Variants in KLKB1 observed in about 807,000 individuals in gnomAD.
KLKB1 encodes kallikrein B1.
KLKB1 carries 58 observed loss-of-function variants against 73.6 expected under a neutral mutation model. That is an observed-to-expected ratio of 0.79 (90% CI 0.64 to 0.98). The LOEUF is 0.98. KLKB1 is among the 50% of genes least tolerant of loss of function. The pLI is 0.00. For synonymous variants in KLKB1, 280 were observed against 258.1 expected (o/e 1.08, Z -0.81); for missense variants, 737 against 763.8 (o/e 0.96, Z 0.41).
chr4:186,232,192 C>A lies in KLKB1; in HGVS notation c.124C>A (p.Pro42Thr). Reference sequence around the variant, plus strand: ...TGGGGATGTAGCTTCCATGTACACCCCAAATGCCCAATACTGCCAGATGAG... The same window carrying A: ...TGGGGATGTAGCTTCCATGTACACCACAAATGCCCAATACTGCCAGATGAG... ...RGGDVASMYT[P>T]NAQYCQMRCT... is the part of the protein sequence containing the mutation. The change falls in exon 3 of 15, where the codon CCA becomes ACA. Residue 42 changes from proline (P) to threonine (T), a missense_variant. Transcript: ENST00000264690. 1 of 1,613,868 alleles carries A rather than the reference C, an allele frequency of 6.2e-7. No homozygotes were observed. The highest frequency in any genetic ancestry group is 8.5e-7 in the Non-Finnish European group (1 of 1,179,734).
chr4:186,219,092 C>G (rs1736974052), intron 2 of KLKB1, among the ~76,000 whole-genome samples: 1 of 152,166 alleles, frequency 6.6e-6, no homozygotes, highest in African/African-American at 2.4e-5. Context: ...CTAGTCCTTC[C>G]ACGTTCCTCT....
intron 2 of KLKB1, among the ~76,000 whole-genome samples, chr4:186,231,386 G>A (rs1020490773): frequency 6.6e-6 from 1 of 152,238 alleles, no homozygotes; most frequent in Non-Finnish European, 1.5e-5. Flanking sequence ...CTAATAATAT[G>A]TGGGGTGCAG....
At chr4:186,237,646 T>C (rs74822149) in intron 5 of KLKB1, among the ~76,000 whole-genome samples, 1 of 152,188 alleles carries the variant, frequency 6.6e-6, no homozygotes, top group South Asian at 2.1e-4. Flanking sequence ...TAACTTGTGA[T>C]TTTTTTCCTT....
chr4:186,258,243 A>C lies in KLKB1; in HGVS notation c.*31A>C. The C allele has an allele frequency of 6.3e-7, 1 of 1,595,824 alleles. No homozygotes were observed. Among genetic ancestry groups the C allele is most frequent in the Non-Finnish European group, 8.6e-7 (1 of 1,167,376 alleles). Reference sequence around the variant, plus strand: ...AGTCCAGAGTCTAGGCAATTTTTACAACCTGAGTTCAAGTCAAATTCTGAG... The same window carrying C: ...AGTCCAGAGTCTAGGCAATTTTTACCACCTGAGTTCAAGTCAAATTCTGAG... On this transcript the variant is annotated 3_prime_UTR_variant, in exon 15 of 15. Coordinates refer to ENST00000264690, the MANE Select transcript of KLKB1 (RefSeq NM_000892.5).
upstream of KLKB1, among the ~76,000 whole-genome samples, chr4:186,226,117 A>G (rs528322651): frequency 6.6e-6 from 1 of 151,532 alleles, no homozygotes; most frequent in South Asian, 2.1e-4. Flanking sequence ...ATTCTTTTTT[A>G]TGGTTCCTAT....
intron 10 of KLKB1, 32 bp from the exon 11 acceptor site, chr4:186,251,985 T>TCCAA (rs774212017): frequency 6.2e-7 from 1 of 1,614,086 alleles, no homozygotes; most frequent in Non-Finnish European, 8.5e-7. Context: ...CACTTCTAAT[T>TCCAA]CCAACCATTA....
intron 11 of KLKB1, 69 bp downstream of exon 11, chr4:186,252,254 T>A (rs1236703348): frequency 1.6e-5 from 24 of 1,483,090 alleles, no homozygotes; most frequent in Non-Finnish European, 2.2e-5. Flanking sequence ...TATGATCAGC[T>A]GCTTCACCGC....
intron 6 of KLKB1, among the ~76,000 whole-genome samples, chr4:186,245,833 TTTTA>T (rs1738315512): frequency 7.1e-6 from 1 of 141,380 alleles, no homozygotes; most frequent in Non-Finnish European, 1.6e-5. Context: ...GGTTTTTTTT[TTTTA>T]ATGTCAGGAG....
At chr4:186,235,694 G>T (rs1433340498) in intron 4 of KLKB1, among the ~76,000 whole-genome samples, 1 of 152,100 alleles carries the variant, frequency 6.6e-6, no homozygotes. Context: ...GAGTGGAAAG[G>T]TATCTGTAGT....
chr4:186,251,327 T>G lies in KLKB1; in HGVS notation c.867T>G (p.Pro289=), dbSNP rs1158317534. Reference sequence around the variant, plus strand: ...TTTTAACCTGCAAAAGAACTTTACCTGGTAATGTGATTTGATAATAATATT... The same window carrying G: ...TTTTAACCTGCAAAAGAACTTTACCGGGTAATGTGATTTGATAATAATATT... ...YSLLTCKRTL[P]EPCHSKIYPG... is the part of the protein sequence containing the mutation. The change falls in exon 8 of 15, where the codon CCT becomes CCG. Residue 289 remains proline (P), a splice_region_variant and synonymous_variant. Coordinates refer to ENST00000264690, the MANE Select transcript of KLKB1 (RefSeq NM_000892.5). 1.3e-6 allele frequency: 2 copies of G among 1,583,816 alleles called. No homozygotes were observed. Among genetic ancestry groups the G allele is most frequent in the Non-Finnish European group, 1.7e-6 (2 of 1,152,628 alleles).
At chr4:186,249,065 A>G (rs779454088) in intron 6 of KLKB1, among the ~76,000 whole-genome samples, 1 of 152,188 alleles carries the variant, frequency 6.6e-6, no homozygotes, top group Non-Finnish European at 1.5e-5. Context: ...TACTCTGGAT[A>G]CTACACTCTT....
At chr4:186,232,331 A>G in intron 3 of KLKB1, 42 bp downstream of exon 3, 1 of 1,576,646 alleles carries the variant, frequency 6.3e-7, no homozygotes, top group Non-Finnish European at 8.7e-7. Flanking sequence ...TGTTTTTCAA[A>G]ACTGAATCAG....
At position 186,256,088 on chromosome 4, in the gene KLKB1, G is replaced by T. The variant is rs773723601; in HGVS notation, c.1585+1G>T. ...GGATGGGGCTTCTCGAAGGAGAAAG[G>T]TAAGCATGACGCTTTAAATATTGCT... On this transcript the variant is annotated splice_donor_variant, in intron 13 of 14. Coordinates refer to ENST00000264690, the MANE Select transcript of KLKB1 (RefSeq NM_000892.5). LOFTEE classifies it high-confidence loss of function. 2 of 1,586,654 alleles carry T rather than the reference G, an allele frequency of 1.3e-6. No homozygotes were observed. Among genetic ancestry groups the T allele is most frequent in the Non-Finnish European group, 1.7e-6 (2 of 1,155,104 alleles).
chr4:186,257,424 A>G lies in KLKB1; in HGVS notation c.1725+59A>G, dbSNP rs912028494. Reference sequence around the variant, plus strand: ...TGCTTGAGAAAATTCATTTCAAAATATATTTTCCAATAGCATAATTCAATC... The same window carrying G: ...TGCTTGAGAAAATTCATTTCAAAATGTATTTTCCAATAGCATAATTCAATC... On this transcript the variant is annotated intron_variant, in intron 14 of 14. Coordinates refer to ENST00000264690, the MANE Select transcript of KLKB1 (RefSeq NM_000892.5). 62 of 1,440,130 alleles carry G rather than the reference A, an allele frequency of 4.3e-5. 1 individual carries two copies. Among genetic ancestry groups the G allele is most frequent in the Admixed American group, 1.4e-4 (7 of 50,380 alleles). The allele number at this position is 1,440,130 out of a possible 1,614,324, so 89.2% of individuals were successfully genotyped here. A position where few individuals can be genotyped will look rare whatever the true frequency, so the allele number is the denominator to read the frequency against.
At chr4:186,215,621 C>T (rs968668347) in intron 2 of KLKB1, among the ~76,000 whole-genome samples, 9 of 151,834 alleles carry the variant, frequency 5.9e-5, no homozygotes, top group Admixed American at 2.0e-4. Context: ...TCACCTAGGC[C>T]GGAGTGCAGT....
chr4:186,250,126 A>G, intron 6 of KLKB1, 117 bp from the exon 7 acceptor site: 1 of 1,046,562 alleles, frequency 9.6e-7, no homozygotes, highest in South Asian at 1.3e-5. Context: ...TTCACTTAGG[A>G]TGTTTAGTAC....
In KLKB1 at chr4:186,254,767, T is replaced by A. The variant is rs769206951; in HGVS notation, c.1489+4T>A. ...CAGGCTCCTTTGAATTACACTGGTA[T>A]GTAGCATATGTAAGAAGGTGGAGAG... On this transcript the variant is annotated splice_donor_region_variant and intron_variant, in intron 12 of 14. Coordinates refer to ENST00000264690, the MANE Select transcript of KLKB1 (RefSeq NM_000892.5). 6.2e-7 allele frequency: 1 copy of A among 1,609,470 alleles called. No homozygotes were observed. The highest frequency in any genetic ancestry group is 8.5e-7 in the Non-Finnish European group (1 of 1,175,858).
intron 6 of KLKB1, among the ~76,000 whole-genome samples, chr4:186,239,010 T>A: frequency 7.8e-6 from 1 of 127,518 alleles, no homozygotes; most frequent in Non-Finnish European, 1.6e-5. Flanking sequence ...GTTATAGTTA[T>A]AGGAAACTAG....
rs1286487927 is a variant in KLKB1 at position 186,258,435 on chromosome 4, A to C, written c.*223A>C. The C allele has an allele frequency of 1.0e-5, 6 of 596,480 alleles. No homozygotes were observed. Among genetic ancestry groups the C allele is most frequent in the Non-Finnish European group, 1.8e-5 (6 of 332,200 alleles). 36.9% of individuals were successfully genotyped at this position (596,480 alleles called of 1,614,324 possible). Reference sequence around the variant, plus strand: ...ATGCGAGGTCGCAACTGAGATCTCCATGACTGTGTGTTGTGAAATAAAATG... The same window carrying C: ...ATGCGAGGTCGCAACTGAGATCTCCCTGACTGTGTGTTGTGAAATAAAATG... On this transcript the variant is annotated 3_prime_UTR_variant, in exon 15 of 15. Coordinates refer to ENST00000264690, the MANE Select transcript of KLKB1 (RefSeq NM_000892.5).
Sources: gnomAD v4.1 joint callset for allele counts (sites outside exome capture counted in the v4.1 genomes callset) on GRCh38, gnomAD v4.1.1 for gene constraint, MANE v1.5 for transcripts, NCBI Gene and HGNC (gene_info 2026-07-23, HGNC 2026-07-21) for gene names.